CCDC88C: variants seen among roughly 807,000 people sequenced by gnomAD.
The protein encoded by CCDC88C is protein Daple.
Under a neutral mutation model 198.8 loss-of-function variants are expected in CCDC88C, and 131 were observed. That is an observed-to-expected ratio of 0.66 (90% confidence interval 0.57 to 0.76). CCDC88C has a LOEUF of 0.76. CCDC88C is among the 30% of genes least tolerant of loss of function. The pLI is 0.00. For synonymous variants in CCDC88C, 1,166 were observed against 1,114.7 expected (o/e 1.05, Z -0.92); for missense variants, 2,553 against 2,631.6 (o/e 0.97, Z 0.65).
rs1374258697 is a variant in CCDC88C, at chr14:91,379,663, G to A, written c.271-19952C>T. 3.9e-5 allele frequency: 23 copies of A among 591,206 alleles called. No homozygotes were observed. In the South Asian group the frequency reaches 4.0e-4, roughly 10 times the overall value. The allele number at this position is 591,206 out of a possible 1,614,324, so 36.6% of individuals were successfully genotyped here. A position where few individuals can be genotyped will look rare whatever the true frequency, so the allele number is the denominator to read the frequency against. ...CCTCAAGCTCACCTTCTTCCACTCC[G>A]CCCCAGCACCCATTCTCCTTGCTGG... On this transcript the variant is annotated intron_variant, in intron 3 of 29. Transcript: ENST00000389857.
At chr14:91,401,265 AT>A (rs1200613918) in intron 3 of CCDC88C, among the ~76,000 whole-genome samples, 2 of 144,664 alleles carry the variant, frequency 1.4e-5, no homozygotes, top group African/African-American at 2.5e-5. Context: ...TAATATATAC[AT>A]TATATATATT....
chr14:91,321,538 G>A (rs748924365), intron 12 of CCDC88C, among the ~76,000 whole-genome samples: 2 of 152,226 alleles, frequency 1.3e-5, no homozygotes, highest in Non-Finnish European at 2.9e-5. Context: ...TCAAGAAGGC[G>A]GCAGGTTACA....
chr14:91,321,034 G>A lies in CCDC88C; in HGVS notation c.1527+86C>T, dbSNP rs1892332843. ...GCATGCTCTACCTGGCCCCCTCCTTGTCTGTGCTCCAGACAATCACTGGGG... is the reference window on the plus strand; with the variant it reads ...GCATGCTCTACCTGGCCCCCTCCTTATCTGTGCTCCAGACAATCACTGGGG... On this transcript the variant is annotated intron_variant, in intron 13 of 29. Coordinates refer to ENST00000389857, the MANE Select transcript of CCDC88C (RefSeq NM_001080414.4). The A allele has an allele frequency of 5.3e-6, 7 of 1,327,906 alleles. No homozygotes were observed. The Admixed American group carries it at 1.3e-4, about 24-fold the overall frequency. 82.3% of individuals were successfully genotyped at this position (1,327,906 alleles called of 1,614,324 possible).
At chr14:91,365,021 G>A (rs141642730) in intron 3 of CCDC88C, among the ~76,000 whole-genome samples, 164 of 152,278 alleles carry the variant, frequency 1.1e-3, no homozygotes, top group Middle Eastern at 3.4e-3. Context: ...AGGGAGTGAC[G>A]CCCATGCTGG....
intron 1 of CCDC88C, 121 bp downstream of exon 1, chr14:91,417,510 T>A: frequency 1.2e-6 from 1 of 802,728 alleles, no homozygotes; most frequent in Non-Finnish European, 1.9e-6. Flanking sequence ...AGCCACTTGC[T>A]GCGTCCCTCG....
chr14:91,304,494 C>A (rs543939240), intron 19 of CCDC88C, among the ~76,000 whole-genome samples: 1 of 152,318 alleles, frequency 6.6e-6, no homozygotes, highest in East Asian at 1.9e-4. Context: ...GAGGCTGAGG[C>A]AGGAGGACTG....
intron 3 of CCDC88C, among the ~76,000 whole-genome samples, chr14:91,406,369 C>A (rs1886482556): frequency 6.6e-6 from 1 of 150,908 alleles, no homozygotes; most frequent in Non-Finnish European, 1.5e-5. Flanking sequence ...AGACCTTCAT[C>A]AATCCAAGCT....
chr14:91,303,729 C>G lies in CCDC88C; in HGVS notation c.3607G>C (p.Glu1203Gln), dbSNP rs1454747974. The G allele has an allele frequency of 6.2e-7, 1 of 1,603,512 alleles. No homozygotes were observed. Among genetic ancestry groups the G allele is most frequent in the African/African-American group, 1.3e-5 (1 of 74,740 alleles). ...TCCCCGAGCTCCTTGTGCTCCAGCT[C>G]CAGATTCCGATGCAGTGTCTTTAGG... ...SCLKTLHRNL[E>Q]LEHKELGERH... Residue 1203 changes from glutamate to glutamine, a missense_variant, in exon 20 of 30, where the codon GAG (glutamate) becomes CAG (glutamine). Around this residue, in one of 2 missense-constraint regions of CCDC88C, gnomAD observed 1,293 missense variants for 1,219.6 expected, o/e 1.06. Coordinates refer to ENST00000389857, the MANE Select transcript of CCDC88C (RefSeq NM_001080414.4).
At position 91,316,662 on chromosome 14, in the gene CCDC88C, C is replaced by T. The variant is rs147500696; in HGVS notation, c.1528-875G>A. Among the ~76,000 whole-genome samples, 1,199 of 152,284 alleles carry T rather than the reference C, an allele frequency of 7.9e-3. 16 individuals are homozygous for T. The highest frequency in any genetic ancestry group is 0.027 in the African/African-American group (1,126 of 41,544). ...GGTCTCACAGGTGATCCGCCTGCCT[C>T]GGTCTCCCAAAGTGCTGGGGTTAAC... On this transcript the variant is annotated intron_variant, in intron 13 of 29. Coordinates refer to ENST00000389857, the MANE Select transcript of CCDC88C (RefSeq NM_001080414.4).
chr14:91,384,135 T>C (rs1171637201), intron 3 of CCDC88C, among the ~76,000 whole-genome samples: 1 of 152,110 alleles, frequency 6.6e-6, no homozygotes, highest in Non-Finnish European at 1.5e-5. Flanking sequence ...ATGAAGATTA[T>C]CCAAAAACTC....
chr14:91,350,312 C>T (rs555272979), intron 4 of CCDC88C, among the ~76,000 whole-genome samples: 31 of 152,070 alleles, frequency 2.0e-4, no homozygotes, highest in Non-Finnish European at 4.1e-4. Context: ...AGGCACCCAC[C>T]ACCACGCCTG....
intron 3 of CCDC88C, among the ~76,000 whole-genome samples, chr14:91,361,869 A>T (rs1043765367): frequency 9.2e-5 from 14 of 152,190 alleles, no homozygotes; most frequent in Admixed American, 9.2e-4. Flanking sequence ...CTTTCCAGCT[A>T]ATTTACTCAG....
intron 4 of CCDC88C, among the ~76,000 whole-genome samples, chr14:91,355,213 CG>C (rs1893988921): frequency 6.6e-6 from 1 of 152,072 alleles, no homozygotes; most frequent in Non-Finnish European, 1.5e-5. Context: ...GAGGAGAGCT[CG>C]GCTTCTGGGG....
intron 15 of CCDC88C, among the ~76,000 whole-genome samples, chr14:91,312,306 T>C: frequency 6.6e-6 from 1 of 152,140 alleles, no homozygotes; most frequent in East Asian, 1.9e-4. Context: ...GAGAATCGCT[T>C]GAACCCAGGA....
chr14:91,312,822 C>T (rs1421164164), intron 15 of CCDC88C, among the ~76,000 whole-genome samples: 1 of 152,228 alleles, frequency 6.6e-6, no homozygotes, highest in Non-Finnish European at 1.5e-5. Context: ...GTAAGTATGA[C>T]ATCAAGCATG....
intron 2 of CCDC88C, among the ~76,000 whole-genome samples, chr14:91,411,217 C>T (rs941155277): frequency 2.6e-5 from 4 of 152,122 alleles, no homozygotes; most frequent in Admixed American, 2.6e-4. Context: ...TCCACTCTGC[C>T]CAGCACCCCC....
intron 3 of CCDC88C, among the ~76,000 whole-genome samples, chr14:91,399,704 T>C (rs950377440): frequency 1.3e-5 from 2 of 151,844 alleles, no homozygotes; most frequent in East Asian, 3.9e-4. Context: ...CCAGGCATGA[T>C]GGCAGGTGCC....
At chr14:91,375,495 G>A (rs1217325294) in intron 3 of CCDC88C, among the ~76,000 whole-genome samples, 1 of 152,188 alleles carries the variant, frequency 6.6e-6, no homozygotes, top group Admixed American at 6.5e-5. Flanking sequence ...GGGGAAGAGG[G>A]GGGTGGGCAG....
intron 3 of CCDC88C, among the ~76,000 whole-genome samples, chr14:91,402,583 T>C (rs1239687054): frequency 6.6e-6 from 1 of 152,092 alleles, no homozygotes; most frequent in Non-Finnish European, 1.5e-5. Context: ...AGCAAGCGGA[T>C]AAAAGTGTTA....
Sources: gnomAD v4.1 joint callset for allele counts (sites outside exome capture counted in the v4.1 genomes callset) on GRCh38, gnomAD v4.1.1 for gene constraint, gnomAD v4.1.1 regional missense constraint, MANE v1.5 for transcripts, NCBI Gene and HGNC (gene_info 2026-07-23, HGNC 2026-07-21) for gene names.